Variants in TAF4B observed in about 807,000 individuals in gnomAD.
TAF4B encodes the protein TATA-box binding protein associated factor 4b.
In TAF4B, 38 loss-of-function variants were observed where a neutral mutation model predicts 86.4. The ratio of observed to expected loss-of-function variants is 0.44; its 90% CI spans 0.34 to 0.58. The LOEUF is 0.58. TAF4B is among the 20% of genes least tolerant of loss of function. The pLI is 0.02. For synonymous variants in TAF4B, 388 were observed against 391.2 expected, an observed-to-expected ratio of 0.99 and a Z score of 0.10; for missense variants, 988 against 1,027.6, an observed-to-expected ratio of 0.96 and a Z score of 0.53.
chr18:26,321,552 T>C (rs2056962982), intron 11 of TAF4B, among the ~76,000 whole-genome samples: 1 of 150,748 alleles, frequency 6.6e-6, no homozygotes, highest in South Asian at 2.1e-4. Flanking sequence ...CTGTTCCTTT[T>C]TTTTTTTTTG....
chr18:26,308,788 C>T (rs1430789161), intron 9 of TAF4B, among the ~76,000 whole-genome samples: 1 of 147,562 alleles, frequency 6.8e-6, no homozygotes, highest in African/African-American at 2.5e-5. Flanking sequence ...AGGGGAATCG[C>T]TGGAACCTGG....
chr18:26,274,359 C>T (rs941890765), intron 3 of TAF4B, among the ~76,000 whole-genome samples: 7 of 152,092 alleles, frequency 4.6e-5, no homozygotes, highest in African/African-American at 1.7e-4. Flanking sequence ...CACAAAAAAT[C>T]CTAGGACAGC....
intron 6 of TAF4B, 131 bp from the exon 7 acceptor site, chr18:26,285,751 A>G: frequency 2.7e-6 from 3 of 1,095,776 alleles, no homozygotes; most frequent in Non-Finnish European, 3.9e-6. Context: ...AAGTGATACA[A>G]GCTGTCTTCA....
At chr18:26,325,794 T>C (rs770828016) in intron 11 of TAF4B, among the ~76,000 whole-genome samples, 1 of 152,222 alleles carries the variant, frequency 6.6e-6, no homozygotes. Context: ...TCTTGTGTTA[T>C]TTAACTTTAA....
At chr18:26,372,741 C>T (rs889259271) in intron 14 of TAF4B, among the ~76,000 whole-genome samples, 5 of 151,928 alleles carry the variant, frequency 3.3e-5, no homozygotes, top group African/African-American at 9.7e-5. Context: ...GAGGCTGAGG[C>T]GGGTGGATCA....
intron 9 of TAF4B, among the ~76,000 whole-genome samples, chr18:26,313,426 A>G (rs764131270): frequency 4.6e-5 from 7 of 152,206 alleles, no homozygotes; most frequent in Non-Finnish European, 7.3e-5. Context: ...ATTTATTTAT[A>G]TAGGTGGCAG....
chr18:26,373,820 G>A (rs1277044766), intron 14 of TAF4B, among the ~76,000 whole-genome samples: 1 of 151,968 alleles, frequency 6.6e-6, no homozygotes, highest in African/African-American at 2.4e-5. Context: ...GTGTTACTGA[G>A]TACAATGGCT....
intron 14 of TAF4B, among the ~76,000 whole-genome samples, chr18:26,376,209 A>G (rs1383882221): frequency 6.7e-6 from 1 of 148,578 alleles, no homozygotes; most frequent in East Asian, 1.9e-4. Context: ...TTTTAGGATC[A>G]GCTTGTTAAT....
At chr18:26,293,136 AT>A (rs2056615620) in intron 8 of TAF4B, among the ~76,000 whole-genome samples, 1 of 152,208 alleles carries the variant, frequency 6.6e-6, no homozygotes, top group Non-Finnish European at 1.5e-5. Context: ...AAAAATACCA[AT>A]ATAAGCAATG....
At chr18:26,348,934 A>G (rs939168093) in intron 13 of TAF4B, 3 of 152,272 alleles carry the variant, frequency 2.0e-5, no homozygotes, top group Admixed American at 2.0e-4. Flanking sequence ...GAGCGGCCAT[A>G]CTAAAGAGAA....
At position 26,285,925 on chromosome 18, in the gene TAF4B, G is replaced by T. The variant is rs767540067; in HGVS notation, c.1016G>T (p.Ser339Ile). 1 of 1,613,844 alleles carries T rather than the reference G, an allele frequency of 6.2e-7. No homozygotes were observed. The highest frequency in any genetic ancestry group is 1.1e-5 in the South Asian group (1 of 90,916). The change falls in exon 7 of 15, where the codon AGC becomes ATC. Residue 339 changes from serine to isoleucine, a missense_variant. Physicochemically the swap from Ser to Ile is moderately radical, Grantham distance 142. Around this residue, in one of 3 missense-constraint regions of TAF4B, gnomAD observed 747 missense variants for 737.9 expected, o/e 1.01. Coordinates refer to ENST00000269142, the MANE Select transcript of TAF4B (RefSeq NM_005640.3). ...ALRQLLPNSQ[S>I]FIQQCVQQTS... ...CGACAACTTCTGCCTAACTCCCAGAGCTTCATCCAGCAATGTGTTCAGCAG... is the reference window on the plus strand; with the variant it reads ...CGACAACTTCTGCCTAACTCCCAGATCTTCATCCAGCAATGTGTTCAGCAG...
At chr18:26,290,626 A>G (rs2056579946) in intron 7 of TAF4B, among the ~76,000 whole-genome samples, 1 of 152,182 alleles carries the variant, frequency 6.6e-6, no homozygotes, top group Non-Finnish European at 1.5e-5. Context: ...TAGGCATACA[A>G]GCATGAGAAC....
At chr18:26,345,373 G>C (rs922836846) in intron 13 of TAF4B, among the ~76,000 whole-genome samples, 5 of 152,172 alleles carry the variant, frequency 3.3e-5, no homozygotes, top group African/African-American at 1.2e-4. Context: ...CTCCTTGCAG[G>C]CATGTCCTCG....
intron 7 of TAF4B, 52 bp from the exon 8 acceptor site, chr18:26,292,194 T>C: frequency 6.4e-7 from 1 of 1,564,698 alleles, no homozygotes; most frequent in Non-Finnish European, 8.6e-7. Flanking sequence ...AATCTTATCC[T>C]TTTCTAAAGC....
chr18:26,306,966 A>G (rs539233024), intron 9 of TAF4B, among the ~76,000 whole-genome samples: 8 of 151,808 alleles, frequency 5.3e-5, no homozygotes, highest in African/African-American at 1.4e-4. Context: ...TTTTTTTAGT[A>G]GTGACGGAGT....
intron 7 of TAF4B, among the ~76,000 whole-genome samples, chr18:26,289,585 C>T (rs1248916397): frequency 1.3e-5 from 2 of 152,162 alleles, no homozygotes; most frequent in African/African-American, 4.8e-5. Context: ...TTTCCGGGCT[C>T]AGATAATCCT....
chr18:26,270,735 C>G (rs1178964431), intron 3 of TAF4B, among the ~76,000 whole-genome samples: 7 of 150,510 alleles, frequency 4.7e-5, no homozygotes, highest in African/African-American at 1.8e-4. Context: ...ATGTAGGCTT[C>G]AAACTATGGA....
chr18:26,238,033 C>A (rs933847800), intron 1 of TAF4B, among the ~76,000 whole-genome samples: 3 of 152,088 alleles, frequency 2.0e-5, no homozygotes, highest in Non-Finnish European at 4.4e-5. Context: ...GCAGCAGAAA[C>A]AATAGTTTTC....
intron 3 of TAF4B, among the ~76,000 whole-genome samples, chr18:26,273,928 A>G (rs897480932): frequency 3.3e-5 from 5 of 152,210 alleles, no homozygotes; most frequent in Admixed American, 6.5e-5. Context: ...TGTAAATACT[A>G]TTCCTTATCC....
Sources: gnomAD v4.1 joint callset for allele counts (sites outside exome capture counted in the v4.1 genomes callset) on GRCh38, gnomAD v4.1.1 for gene constraint, gnomAD v4.1.1 regional missense constraint, MANE v1.5 for transcripts, NCBI Gene and HGNC (gene_info 2026-07-23, HGNC 2026-07-21) for gene names.